Variants in RRAGB observed in about 807,000 individuals in gnomAD.
RRAGB encodes ras-related GTP-binding protein B.
In RRAGB, 6 loss-of-function variants were observed where a neutral mutation model predicts 29.3. The ratio of observed to expected loss-of-function variants is 0.21; its 90% CI spans 0.11 to 0.40. The LOEUF (loss-of-function observed/expected upper bound fraction) is 0.40. RRAGB is among the 10% of genes least tolerant of loss of function. RRAGB has a pLI of 1.00. For synonymous variants in RRAGB, 101 were observed against 92.5 expected (o/e 1.09, Z -0.53); for missense variants, 184 against 272.9 (o/e 0.67, Z 2.29).
intron 5 of RRAGB, among the ~76,000 whole-genome samples, chrX:55,749,177 G>A (rs2034410993): frequency 1.0e-5 from 1 of 95,445 alleles, no homozygotes; most frequent in African/African-American, 3.8e-5. Context: ...CCCCGTCCGG[G>A]AGGGAAGTGG....
chrX:55,749,031 G>C (rs1248057988), intron 5 of RRAGB, among the ~76,000 whole-genome samples: 3 of 99,577 alleles, frequency 3.0e-5, no homozygotes, highest in Non-Finnish European at 6.2e-5. Flanking sequence ...CCTCCCGCCC[G>C]GCCAGCCGCC....
intron 3 of RRAGB, among the ~76,000 whole-genome samples, chrX:55,724,330 C>T (rs970059896): frequency 2.7e-5 from 3 of 112,058 alleles, no homozygotes; most frequent in Non-Finnish European, 5.6e-5. Context: ...AAGTCCAATC[C>T]CTTTTTCCTC....
At chrX:55,749,522 A>G (rs374314160) in intron 5 of RRAGB, among the ~76,000 whole-genome samples, 5 of 111,065 alleles carry the variant, frequency 4.5e-5, no homozygotes, top group East Asian at 2.9e-4. Context: ...CCACCACCCC[A>G]TCTGGGAGGT....
At chrX:55,718,860 C>T (rs1232588175) in intron 1 of RRAGB, among the ~76,000 whole-genome samples, 1 of 111,523 alleles carries the variant, frequency 9.0e-6, no homozygotes, top group African/African-American at 3.3e-5. Context: ...GGAAGGACAG[C>T]TGAAGGACTA....
At chrX:55,749,984 C>T (rs1158074389) in intron 5 of RRAGB, among the ~76,000 whole-genome samples, 1 of 104,955 alleles carries the variant, frequency 9.5e-6, no homozygotes, top group Non-Finnish European at 2.0e-5. Flanking sequence ...CTGACCTTCC[C>T]TCCACTATTG....
chrX:55,735,335 ATCT>A (rs1325969608), intron 5 of RRAGB, among the ~76,000 whole-genome samples: 1 of 112,001 alleles, frequency 8.9e-6, no homozygotes, highest in African/African-American at 3.2e-5. Flanking sequence ...GGGTTGTTAT[ATCT>A]TCTTGTTGAA....
At chrX:55,748,292 C>T (rs889094950) in intron 5 of RRAGB, among the ~76,000 whole-genome samples, 1 of 112,566 alleles carries the variant, frequency 8.9e-6, no homozygotes, top group African/African-American at 3.2e-5. Flanking sequence ...CCCGCCACCC[C>T]GTCTGGGAAG....
intron 3 of RRAGB, among the ~76,000 whole-genome samples, chrX:55,723,093 G>A (rs2033346573): frequency 9.0e-6 from 1 of 111,531 alleles, no homozygotes; most frequent in African/African-American, 3.3e-5. Context: ...ATCGTGCTTG[G>A]AGTGTAAGTG....
intron 2 of RRAGB, among the ~76,000 whole-genome samples, chrX:55,719,803 C>T (rs770027999): frequency 8.9e-6 from 1 of 112,366 alleles, no homozygotes; most frequent in Non-Finnish European, 1.9e-5. Flanking sequence ...TTGAGTTCTT[C>T]AGATAGAATT....
chrX:55,748,591 C>T (rs1181459915), intron 5 of RRAGB, among the ~76,000 whole-genome samples: 1 of 110,956 alleles, frequency 9.0e-6, no homozygotes, highest in Non-Finnish European at 1.9e-5. Context: ...GCGTCTCTGC[C>T]CAGCCGCCCA....
intron 3 of RRAGB, among the ~76,000 whole-genome samples, chrX:55,723,810 G>A (rs1361659478): frequency 3.6e-5 from 4 of 111,389 alleles, no homozygotes; most frequent in Admixed American, 1.9e-4. Flanking sequence ...CGCCTGCCTC[G>A]GCCTCCCAAA....
chrX:55,755,958 G>A, intron 8 of RRAGB, 26 bp downstream of exon 8: 2 of 1,025,421 alleles, frequency 2.0e-6, no homozygotes, highest in Non-Finnish European at 2.7e-6. Flanking sequence ...GGAATGATCT[G>A]TTTATCTCTT....
chrX:55,732,918 G>A (rs1355721471), intron 5 of RRAGB, among the ~76,000 whole-genome samples: 1 of 110,879 alleles, frequency 9.0e-6, no homozygotes, highest in Non-Finnish European at 1.9e-5. Context: ...TAAACATTTA[G>A]AAGTGTTTTA....
At chrX:55,746,645 A>G (rs1040668465) in intron 5 of RRAGB, among the ~76,000 whole-genome samples, 2 of 112,283 alleles carry the variant, frequency 1.8e-5, no homozygotes, top group Admixed American at 9.4e-5. Flanking sequence ...TAGGCCTTAA[A>G]TGAATCTGTT....
chrX:55,748,971 C>CA (rs1285609996), intron 5 of RRAGB, among the ~76,000 whole-genome samples: 2 of 48,893 alleles, frequency 4.1e-5, no homozygotes, highest in Admixed American at 5.5e-4. Context: ...GGGGAGTCAG[C>CA]CCCCCCGCCC....
In RRAGB at chrX:55,718,055, C is replaced by G; in HGVS notation, c.-273C>G. 1 of 246,012 alleles carries G rather than the reference C, an allele frequency of 4.1e-6. No homozygotes were observed. Among genetic ancestry groups the G allele is most frequent in the Non-Finnish European group, 7.3e-6 (1 of 137,202 alleles). The allele number at this position is 246,012 out of a possible 1,213,427, so 20.3% of individuals were successfully genotyped here. A position where few individuals can be genotyped will look rare whatever the true frequency, so the allele number is the denominator to read the frequency against. ...CCCTAACCCACCTCTCTTTTCCTGT[C>G]ATTCTCCAACTCTTACTTTGTACCA... On this transcript the variant is annotated 5_prime_UTR_variant, in exon 1 of 10. Transcript: ENST00000374941.
chrX:55,736,644 G>A (rs768842529), intron 5 of RRAGB, among the ~76,000 whole-genome samples: 3 of 111,339 alleles, frequency 2.7e-5, no homozygotes, highest in South Asian at 3.8e-4. Flanking sequence ...GATTTTACTG[G>A]GTTTTTAAAT....
intron 5 of RRAGB, among the ~76,000 whole-genome samples, chrX:55,750,182 G>A (rs199696570): frequency 5.3e-5 from 2 of 37,713 alleles, no homozygotes; most frequent in Middle Eastern, 0.011. Context: ...ACATACATAC[G>A]TATGTGTGTG....
At chrX:55,724,525 G>A (rs1374889426) in intron 3 of RRAGB, among the ~76,000 whole-genome samples, 1 of 111,575 alleles carries the variant, frequency 9.0e-6, no homozygotes, top group East Asian at 2.8e-4. Flanking sequence ...AAAAGTTTTG[G>A]TCAGGATAGT....
Sources: allele counts gnomAD v4.1 joint callset (sites outside exome capture counted in the v4.1 genomes callset), GRCh38; gene constraint gnomAD v4.1.1; transcripts MANE v1.5; gene names NCBI Gene and HGNC (gene_info 2026-07-23, HGNC 2026-07-21).